The following SELENON variants were observed in gnomAD, a reference collection of about 807,000 sequenced individuals.
SELENON encodes the protein selenoprotein N, also known as selenoprotein N, 1.
In SELENON, 44 loss-of-function variants were observed where a neutral mutation model predicts 59.5. The ratio of observed to expected loss-of-function variants is 0.74; its 90% CI spans 0.58 to 0.95. SELENON has a LOEUF of 0.95. SELENON is among the 40% of genes least tolerant of loss of function. The probability of loss-of-function intolerance (pLI) is 0.00; values close to 1 mark genes in which losing one functional copy is unlikely to be tolerated. For synonymous variants in SELENON, 320 were observed against 305.6 expected, an observed-to-expected ratio of 1.05 and a Z score of -0.49; for missense variants, 674 against 721.4, an observed-to-expected ratio of 0.93 and a Z score of 0.75.
At chr1:25,811,433 A>G in intron 7 of SELENON, 21 bp from the exon 7 acceptor site, 1 of 1,606,192 alleles carries the variant, frequency 6.2e-7, no homozygotes, top group East Asian at 2.2e-5. Flanking sequence ...TGATGGTGTC[A>G]CTCTGCCCTG....
chr1:25,802,565 A>T (rs369742352), intron 3 of SELENON, among the ~76,000 whole-genome samples: 3 of 152,238 alleles, frequency 2.0e-5, no homozygotes, highest in African/African-American at 7.2e-5. Flanking sequence ...CTTGTTAGCT[A>T]GGCTGGTCTC....
At chr1:25,810,944 C>A (rs915829375) in intron 7 of SELENON, among the ~76,000 whole-genome samples, 5 of 152,190 alleles carry the variant, frequency 3.3e-5, no homozygotes, top group African/African-American at 1.2e-4. Context: ...GACTGCTGAC[C>A]CCCGGGGGTT....
At position 25,801,015 on chromosome 1, in the gene SELENON, G is replaced by T. The variant is rs752838248; in HGVS notation, c.184-28G>T. ...CCAGGAGACCAGGCCGCCAAATGGTGCCCAGCCCAGTCTCTCCTCCCAAGC... is the reference window on the plus strand; with the variant it reads ...CCAGGAGACCAGGCCGCCAAATGGTTCCCAGCCCAGTCTCTCCTCCCAAGC... On this transcript the variant is annotated intron_variant, in intron 1 of 12. Transcript: ENST00000361547. The T allele has an allele frequency of 2.5e-6, 4 of 1,592,546 alleles. No homozygotes were observed. In the African/African-American group the frequency reaches 5.4e-5, roughly 21 times the overall value.
chr1:25,812,839 C>T (rs2047978554), intron 10 of SELENON, 47 bp downstream of exon 9: 1 of 1,417,980 alleles, frequency 7.1e-7, no homozygotes, highest in Admixed American at 1.8e-5. Flanking sequence ...AAAGTCCACA[C>T]CTTGTGGGGT....
At chr1:25,809,259 C>A in intron 6 of SELENON, 109 bp downstream of exon 5, 1 of 1,512,764 alleles carries the variant, frequency 6.6e-7, no homozygotes, top group Non-Finnish European at 9.0e-7. Context: ...CCTCCCACTG[C>A]CGTCTTGGGC....
intron 7 of SELENON, among the ~76,000 whole-genome samples, chr1:25,810,217 G>GA: frequency 6.6e-6 from 1 of 152,176 alleles, no homozygotes; most frequent in East Asian, 1.9e-4. Context: ...CTTCCCAGAA[G>GA]AAAAAGGTCA....
In SELENON at chr1:25,801,173, A is replaced by G. The variant is rs2124437845; in HGVS notation, c.301+13A>G. 2 of 1,607,894 alleles carry G rather than the reference A, an allele frequency of 1.2e-6. No homozygotes were observed. The highest frequency in any genetic ancestry group is 1.7e-6 in the Non-Finnish European group (2 of 1,174,448). ...GAGAAGCTAACAGGTACCAGGAGAG[A>G]CTGGCGGCTGGGGAGGAGGGCGCCT... On this transcript the variant is annotated intron_variant, in intron 2 of 12. Transcript: ENST00000361547.
At position 25,800,589 on chromosome 1, in the gene SELENON, G is replaced by A. The variant is rs192817585; in HGVS notation, c.183+176G>A. Among the ~76,000 whole-genome samples, 849 of 151,556 alleles carry A rather than the reference G, an allele frequency of 5.6e-3. 16 individuals carry two copies. Among genetic ancestry groups the A allele is most frequent in the African/African-American group, 0.019 (788 of 41,210 alleles). ...CGGGAGGCGGGTGGGGGGTGCCTGGGGCCGGGCTGATGGGGGGAAGGCGAA... is the reference window on the plus strand; with the variant it reads ...CGGGAGGCGGGTGGGGGGTGCCTGGAGCCGGGCTGATGGGGGGAAGGCGAA... On this transcript the variant is annotated intron_variant, in intron 1 of 12. Coordinates refer to ENST00000361547, the MANE Select transcript of SELENON (RefSeq NM_020451.3).
intron 9 of SELENON, 121 bp from the exon 9 acceptor site, chr1:25,812,566 C>CACACAA: frequency 5.2e-6 from 1 of 192,184 alleles, no homozygotes; most frequent in Non-Finnish European, 9.6e-6. Flanking sequence ...TACACACAAA[C>CACACAA]ACACACACAC....
In SELENON at chr1:25,815,780, C is replaced by A; in HGVS notation, c.*62C>A. The A allele has an allele frequency of 6.4e-7, 1 of 1,565,840 alleles. No homozygotes were observed. Among genetic ancestry groups the A allele is most frequent in the South Asian group, 1.1e-5 (1 of 89,836 alleles). The stretch of plus-strand genomic sequence containing the variant: ...CCTCAGAGCCAGAGTGGTCCTCAGC[C>A]CATTTCAGACTGCAGATGCCGCCCA... On this transcript the variant is annotated 3_prime_UTR_variant, in exon 13 of 13. Transcript: ENST00000361547.
intron 12 of SELENON, among the ~76,000 whole-genome samples, chr1:25,814,784 G>C (rs1013493542): frequency 1.2e-4 from 19 of 152,074 alleles, no homozygotes; most frequent in African/African-American, 4.6e-4. Context: ...TGATCAAAGC[G>C]ACCCCTCATC....
intron 9 of SELENON, among the ~76,000 whole-genome samples, 199 bp downstream of exon 8, chr1:25,812,078 C>T (rs1473615151): frequency 6.6e-6 from 1 of 152,228 alleles, no homozygotes; most frequent in African/African-American, 2.4e-5. Flanking sequence ...TGCAATGGCT[C>T]ATGCCTATAA....
chr1:25,808,042 A>G (rs749665143), intron 4 of SELENON, among the ~76,000 whole-genome samples: 29 of 151,986 alleles, frequency 1.9e-4, no homozygotes, highest in Non-Finnish European at 3.5e-4. Context: ...ATTGGCCACC[A>G]CCCTCATCGG....
rs766146670 is a variant in SELENON, at chr1:25,812,824, G to A, written c.1387+32G>A. ...GGCCCGGCTGGATCTAAGGGGAGCA[G>A]TGGGAAAGTCCACACCTTGTGGGGT... On this transcript the variant is annotated intron_variant, in intron 10 of 12. Coordinates refer to ENST00000361547, the MANE Select transcript of SELENON (RefSeq NM_020451.3). 62 of 1,532,104 alleles carry A rather than the reference G, an allele frequency of 4.0e-5. 3 individuals are homozygous for A. The South Asian group carries it at 7.0e-4, about 17-fold the overall frequency. The allele number at this position is 1,532,104 out of a possible 1,614,324, so 94.9% of individuals were successfully genotyped here. A position where few individuals can be genotyped will look rare whatever the true frequency, so the allele number is the denominator to read the frequency against.
chr1:25,809,764 C>G lies in SELENON; in HGVS notation c.954C>G (p.Ile318Met). Residue 318 changes from isoleucine to methionine, a missense_variant, in exon 7 of 13, where the codon ATC becomes ATG. Physicochemically the swap from Ile to Met is conservative, Grantham distance 10. Coordinates refer to ENST00000361547, the MANE Select transcript of SELENON (RefSeq NM_020451.3). Reference sequence around the variant, plus strand: ...CTGCTCAGTTCACCGGCCACATCATCCTCTCCAAAGACGCCACCCACGTCC... The same window carrying G: ...CTGCTCAGTTCACCGGCCACATCATGCTCTCCAAAGACGCCACCCACGTCC... 6.2e-7 allele frequency: 1 copy of G among 1,614,150 alleles called. No individual in the cohort carries two copies.
chr1:25,809,608 G>A lies in SELENON; in HGVS notation c.873-75G>A, dbSNP rs1338756472. On this transcript the variant is annotated intron_variant, in intron 6 of 12. Transcript: ENST00000361547. Reference sequence around the variant, plus strand: ...CCACACTCAGCCTCCTCTCCCTGATGATTCTGGCCAAGGCTTCCCGGGCTC... The same window carrying A: ...CCACACTCAGCCTCCTCTCCCTGATAATTCTGGCCAAGGCTTCCCGGGCTC... 3 of 1,601,794 alleles carry A rather than the reference G, an allele frequency of 1.9e-6. No homozygotes were observed. The African/African-American group carries it at 4.0e-5, about 21-fold the overall frequency.
chr1:25,814,016 C>T, intron 11 of SELENON, 23 bp downstream of exon 10: 1 of 1,612,138 alleles, frequency 6.2e-7, no homozygotes, highest in Non-Finnish European at 8.5e-7. Context: ...GTGGCAGGAA[C>T]AGGAGCGTCC....
intron 3 of SELENON, among the ~76,000 whole-genome samples, chr1:25,803,569 A>G (rs1401945476): frequency 6.6e-6 from 1 of 152,220 alleles, no homozygotes; most frequent in East Asian, 1.9e-4. Flanking sequence ...GCTGAGTAGT[A>G]GTATTATAAT....
intron 6 of SELENON, 25 bp from the exon 6 acceptor site, chr1:25,809,658 G>A: frequency 6.2e-7 from 1 of 1,612,740 alleles, no homozygotes; most frequent in Non-Finnish European, 8.5e-7. Flanking sequence ...GGCAGCTCTG[G>A]TGCAGCAGAT....
Sources: allele counts gnomAD v4.1 joint callset (sites outside exome capture counted in the v4.1 genomes callset), GRCh38; gene constraint gnomAD v4.1.1; transcripts MANE v1.5; gene names NCBI Gene and HGNC (gene_info 2026-07-23, HGNC 2026-07-21).